PCK2: variants seen among roughly 807,000 people sequenced by gnomAD.
PCK2 encodes phosphoenolpyruvate carboxykinase 2, mitochondrial.
PCK2 carries 56 observed loss-of-function variants against 65.9 expected under a neutral mutation model. The observed-to-expected ratio is 0.85, with a 90% CI of 0.69 to 1.06. The LOEUF is 1.06. Among genes scored for constraint, PCK2 ranks in the 50% least tolerant of loss-of-function variants. PCK2 has a pLI of 0.00. For synonymous variants in PCK2, 305 were observed against 319.6 expected (o/e 0.95, Z 0.49); for missense variants, 843 against 863.1 (o/e 0.98, Z 0.29).
rs999929361 is a variant in PCK2 at position 24,096,234 on chromosome 14, T to C, written c.30-658T>C. ...CAAAGGCCCCTACTCATTTCTTTTT[T>C]TTTTTTTTTTTTTTTTTTTTTTGAG... On this transcript the variant is annotated intron_variant, in intron 1 of 9. Transcript: ENST00000216780. Among the ~76,000 whole-genome samples the C allele has an allele frequency of 2.4e-5, 3 of 125,134 alleles. 1 individual carries two copies. In the South Asian group the frequency reaches 8.7e-4, roughly 36 times the overall value. 82.1% of individuals were successfully genotyped at this position (125,134 alleles called of 152,430 possible).
intron 6 of PCK2, 105 bp downstream of exon 6, chr14:24,099,825 C>T (rs773955206): frequency 1.3e-6 from 2 of 1,502,734 alleles, no homozygotes; most frequent in South Asian, 2.3e-5. Context: ...GTTTCCTGAA[C>T]ACCCAACCCT....
chr14:24,103,211 GCAGCGCCATGCGCTCT>G lies in PCK2; in HGVS notation c.1425_1440del (p.Ala477ProfsTer35), dbSNP rs752617436. 1.2e-6 allele frequency: 2 copies of G among 1,614,128 alleles called. No individual in the cohort carries two copies. Among genetic ancestry groups the G allele is most frequent in the East Asian group, 4.5e-5 (2 of 44,880 alleles). On this transcript the variant is annotated frameshift_variant, in exon 9 of 10. Coordinates refer to ENST00000216780, the MANE Select transcript of PCK2 (RefSeq NM_004563.4). LOFTEE classifies it high-confidence loss of function. Reference sequence around the variant, plus strand: ...AACTGGCGTCATGGGGTGTTTGTGGGCAGCGCCATGCGCTCTGAGTCCACTGCTGCAGCAGAACACA... The same window carrying G: ...AACTGGCGTCATGGGGTGTTTGTGGGGAGTCCACTGCTGCAGCAGAACACA...
At chr14:24,101,085 A>C (rs1181455945) in intron 7 of PCK2, among the ~76,000 whole-genome samples, 3 of 152,012 alleles carry the variant, frequency 2.0e-5, no homozygotes, top group Admixed American at 2.0e-4. Context: ...TGCTTCATCT[A>C]ATCACCCTTT....
Position 24,100,065 on chromosome 14 carries a change from T to G in PCK2, c.1086T>G (p.Asn362Lys). Residue 362 changes from asparagine (N) to lysine (K), a missense_variant, in exon 7 of 10, where the codon AAT (asparagine) becomes AAG (lysine). By Grantham distance (94) the Asn-to-Lys change is moderately conservative. Transcript: ENST00000216780. ...CCCCTGGTACCTCTGCCACCACCAA[T>G]CCCAACGCCATGGCTACAATCCAGA... ...GVAPGTSATT[N>K]PNAMATIQSN... 3 of 1,613,204 alleles carry G rather than the reference T, an allele frequency of 1.9e-6. No homozygotes were observed. The highest frequency in any genetic ancestry group is 2.5e-6 in the Non-Finnish European group (3 of 1,179,574).
In PCK2 at chr14:24,098,297, C is replaced by T. The variant is rs1270313957; in HGVS notation, c.370C>T (p.Pro124Ser). Residue 124 changes from proline to serine, a missense_variant, in exon 3 of 10, where the codon CCT (proline) becomes TCT (serine). Coordinates refer to ENST00000216780, the MANE Select transcript of PCK2 (RefSeq NM_004563.4). ...PSQRDTVPLP[P>S]GGARGQLGNW... The stretch of plus-strand genomic sequence containing the variant: ...TCAGCGGGACACGGTACCACTCCCG[C>T]CTGGTGGGGCCCGTGGGCAGCTGGG... 6.2e-7 allele frequency: 1 copy of T among 1,614,020 alleles called. No individual in the cohort carries two copies. The highest frequency in any genetic ancestry group is 1.3e-5 in the African/African-American group (1 of 74,934).
chr14:24,103,032 A>C lies in PCK2; in HGVS notation c.1373-128A>C. 5 of 1,194,076 alleles carry C rather than the reference A, an allele frequency of 4.2e-6. 1 individual carries two copies. In the South Asian group the frequency reaches 5.2e-5, roughly 12 times the overall value. 74.0% of individuals were successfully genotyped at this position (1,194,076 alleles called of 1,614,324 possible). On this transcript the variant is annotated intron_variant, in intron 8 of 9. Transcript: ENST00000216780. ...CCCTGGTGAATGCAAACTTGGGAGGAGGCAAAGGGTCTGAAAATGGGATAG... is the reference window on the plus strand; with the variant it reads ...CCCTGGTGAATGCAAACTTGGGAGGCGGCAAAGGGTCTGAAAATGGGATAG...
Position 24,094,800 on chromosome 14 carries a change from A to G in PCK2, c.29+366A>G, listed in dbSNP as rs2036785534. The stretch of plus-strand genomic sequence containing the variant: ...TCGGACCTCTAACGGGCTCTCAGCC[A>G]GCGCCCCAGGGTACTTCGAGAGGCA... On this transcript the variant is annotated intron_variant, in intron 1 of 9. Transcript: ENST00000216780. This position sits in a 1 kb window ranked among gnomAD's most constrained non-coding sequence, Gnocchi z 4.1. 7.4e-7 allele frequency: 1 copy of G among 1,357,390 alleles called. No individual in the cohort carries two copies. The highest frequency in any genetic ancestry group is 9.7e-7 in the Non-Finnish European group (1 of 1,033,338). The allele number at this position is 1,357,390 out of a possible 1,614,324, so 84.1% of individuals were successfully genotyped here.
intron 2 of PCK2, among the ~76,000 whole-genome samples, chr14:24,097,590 A>ATTT (rs200681299): frequency 1.7e-4 from 23 of 137,842 alleles, no homozygotes; most frequent in African/African-American, 6.1e-4. Context: ...AGAAACTGGG[A>ATTT]TTTTTTTTTT....
chr14:24,099,826 A>G (rs1348587962), intron 6 of PCK2, 106 bp downstream of exon 6: 1 of 1,506,568 alleles, frequency 6.6e-7, no homozygotes, highest in Admixed American at 1.7e-5. Flanking sequence ...TTTCCTGAAC[A>G]CCCAACCCTG....
At chr14:24,095,326 C>G in intron 1 of PCK2, 3 of 429,636 alleles carry the variant, frequency 7.0e-6, no homozygotes, top group South Asian at 4.8e-5. Context: ...AGACTGTGTG[C>G]TTGAAAACTG....
rs1268090015 is a variant in PCK2, at chr14:24,094,659, G to A, written c.29+225G>A. On this transcript the variant is annotated intron_variant, in intron 1 of 9. Transcript: ENST00000216780. The surrounding 1 kb of genome is among the most constrained non-coding windows in gnomAD (Gnocchi z 4.1). ...GCCTGCACCTCCCCTTCTCTGCCTC[G>A]CTCGCCTCTGACCGCGCGATCTCTA... 2.7e-6 allele frequency: 4 copies of A among 1,504,394 alleles called. No individual in the cohort carries two copies. The highest frequency in any genetic ancestry group is 3.5e-6 in the Non-Finnish European group (4 of 1,128,472). The allele number at this position is 1,504,394 out of a possible 1,614,324, so 93.2% of individuals were successfully genotyped here.
chr14:24,100,325 A>C (rs2037112256), intron 7 of PCK2, 112 bp downstream of exon 7: 2 of 1,511,416 alleles, frequency 1.3e-6, no homozygotes, highest in Non-Finnish European at 1.8e-6. Context: ...GAGGCACAGA[A>C]GTCATGAACG....
rs913335886 is a variant in PCK2, at chr14:24,095,758, G to A, written c.30-1134G>A. Among the ~76,000 whole-genome samples the A allele has an allele frequency of 2.6e-5, 4 of 152,334 alleles. No homozygotes were observed. In the East Asian group the frequency reaches 5.8e-4, roughly 22 times the overall value. On this transcript the variant is annotated intron_variant, in intron 1 of 9. Coordinates refer to ENST00000216780, the MANE Select transcript of PCK2 (RefSeq NM_004563.4). ...TGAGTCCAGGCCAATCAGAGCAGAC[G>A]TTGCTTCTCTGTCTCCCAGGGCCAT...
Position 24,094,995 on chromosome 14 carries a change from A to T in PCK2, c.29+561A>T, listed in dbSNP as rs1435497344. On this transcript the variant is annotated intron_variant, in intron 1 of 9. Coordinates refer to ENST00000216780, the MANE Select transcript of PCK2 (RefSeq NM_004563.4). This position sits in a 1 kb window ranked among gnomAD's most constrained non-coding sequence, Gnocchi z 4.1. ...GGACCTGGGCCCAGGGGAGGGAGGCAAGCAAGGTGGGAGGAGGGCGCCAAG... is the reference window on the plus strand; with the variant it reads ...GGACCTGGGCCCAGGGGAGGGAGGCTAGCAAGGTGGGAGGAGGGCGCCAAG... The T allele has an allele frequency of 2.3e-5, 13 of 555,900 alleles. No individual in the cohort carries two copies. The highest frequency in any genetic ancestry group is 3.9e-5 in the Non-Finnish European group (13 of 331,104). 34.4% of individuals were successfully genotyped at this position (555,900 alleles called of 1,614,324 possible). A position where few individuals can be genotyped will look rare whatever the true frequency, so the allele number is the denominator to read the frequency against.
Position 24,102,903 on chromosome 14 carries a change from T to C in PCK2, c.1372+13T>C. On this transcript the variant is annotated intron_variant, in intron 8 of 9. Coordinates refer to ENST00000216780, the MANE Select transcript of PCK2 (RefSeq NM_004563.4). Reference sequence around the variant, plus strand: ...CGCAGACCCAAAGGTAAACAACATATGAGCTCCATGTTCTTGGCAAAAGGG... The same window carrying C: ...CGCAGACCCAAAGGTAAACAACATACGAGCTCCATGTTCTTGGCAAAAGGG... 6.2e-7 allele frequency: 1 copy of C among 1,611,058 alleles called. No homozygotes were observed. Among genetic ancestry groups the C allele is most frequent in the Non-Finnish European group, 8.5e-7 (1 of 1,178,418 alleles).
chr14:24,094,457 C>T lies in PCK2; in HGVS notation c.29+23C>T. On this transcript the variant is annotated intron_variant, in intron 1 of 9. Transcript: ENST00000216780. The surrounding 1 kb of genome is among the most constrained non-coding windows in gnomAD (Gnocchi z 4.1). Reference sequence around the variant, plus strand: ...GCGGTGAGTGACCCCCGGCCCGGGGCCCACCCGCACCTTCCGCTGCGCTCG... The same window carrying T: ...GCGGTGAGTGACCCCCGGCCCGGGGTCCACCCGCACCTTCCGCTGCGCTCG... 6.6e-7 allele frequency: 1 copy of T among 1,519,278 alleles called. No homozygotes were observed. The highest frequency in any genetic ancestry group is 1.2e-5 in the South Asian group (1 of 81,422). 94.1% of individuals were successfully genotyped at this position (1,519,278 alleles called of 1,614,324 possible).
At position 24,103,747 on chromosome 14, in the gene PCK2, G is replaced by A. The variant is rs539372532; in HGVS notation, c.1706G>A (p.Arg569Gln). The part of the protein sequence containing the change: ...CRRLEGEDSA[R>Q]ETPIGLVPKE... ...CGGTTAGAGGGGGAGGACAGTGCCC[G>A]AGAGACACCCATTGGGCTGGTGCCA... Residue 569 changes from arginine (R) to glutamine (Q), a missense_variant, in exon 10 of 10, where the codon CGA becomes CAA. Arg to Gln is a conservative substitution (Grantham distance 43, BLOSUM62 1). Coordinates refer to ENST00000216780, the MANE Select transcript of PCK2 (RefSeq NM_004563.4). The A allele has an allele frequency of 2.4e-5, 39 of 1,614,196 alleles. No individual in the cohort carries two copies. Among genetic ancestry groups the A allele is most frequent in the African/African-American group, 1.1e-4 (8 of 75,050 alleles).
At chr14:24,103,006 C>G (rs771651008) in intron 8 of PCK2, 116 bp downstream of exon 8, 239 of 1,303,750 alleles carry the variant, frequency 1.8e-4, no homozygotes, top group Non-Finnish European at 2.4e-4. Flanking sequence ...CCAGAGTTCT[C>G]CCCTGGTGAA....
rs746162974 is a variant in PCK2 at position 24,103,826 on chromosome 14, G to C, written c.1785G>C (p.Leu595=). The part of the protein sequence containing the change: ...SGLRAIDTTQ[L]FSLPKDFWEQ... ...TCAGAGCTATAGACACCACTCAGCT[G>C]TTCTCCCTCCCCAAGGACTTCTGGG... Residue 595 remains leucine, a synonymous_variant, in exon 10 of 10, where the codon CTG becomes CTC. Coordinates refer to ENST00000216780, the MANE Select transcript of PCK2 (RefSeq NM_004563.4). 6.2e-7 allele frequency: 1 copy of C among 1,614,134 alleles called. No individual in the cohort carries two copies. Among genetic ancestry groups the C allele is most frequent in the South Asian group, 1.1e-5 (1 of 91,078 alleles).
Sources: allele counts gnomAD v4.1 joint callset (sites outside exome capture counted in the v4.1 genomes callset), GRCh38; gene constraint gnomAD v4.1.1; non-coding constraint Gnocchi (gnomAD v3.1); transcripts MANE v1.5; gene names NCBI Gene and HGNC (gene_info 2026-07-23, HGNC 2026-07-21).